Variants in LSAMP observed in about 807,000 individuals in gnomAD.
The protein encoded by LSAMP is limbic system-associated membrane protein.
Under a neutral mutation model 38.6 loss-of-function variants are expected in LSAMP, and 7 were observed. That is an observed-to-expected ratio of 0.18 (90% CI 0.10 to 0.34). The LOEUF is 0.34. LSAMP is among the 10% of genes least tolerant of loss of function. The pLI is 1.00. For missense variants in LSAMP, 313 were observed against 420.0 expected, an observed-to-expected ratio of 0.75 and a Z score of 2.23; for synonymous variants, 154 against 166.8, an observed-to-expected ratio of 0.92 and a Z score of 0.59.
intron 1 of LSAMP, among the ~76,000 whole-genome samples, chr3:116,203,059 T>G (rs1332064477): frequency 6.6e-6 from 1 of 152,242 alleles, no homozygotes; most frequent in African/African-American, 2.4e-5. Flanking sequence ...TTTTAGAGAA[T>G]CATATTTTCT....
chr3:116,058,345 G>A (rs1359832444), intron 2 of LSAMP, among the ~76,000 whole-genome samples: 1 of 151,890 alleles, frequency 6.6e-6, no homozygotes, highest in Non-Finnish European at 1.5e-5. Flanking sequence ...GGTGGAATAT[G>A]AGATGGAATG....
chr3:116,214,219 A>G (rs1482188924), intron 1 of LSAMP, among the ~76,000 whole-genome samples: 1 of 152,236 alleles, frequency 6.6e-6, no homozygotes, highest in Admixed American at 6.5e-5. Flanking sequence ...ATGGCAAATT[A>G]TGACTCAAAA....
At chr3:116,370,796 T>A (rs1004015381) in intron 1 of LSAMP, among the ~76,000 whole-genome samples, 4 of 152,106 alleles carry the variant, frequency 2.6e-5, no homozygotes, top group African/African-American at 9.7e-5. Context: ...AGAAGTTGGT[T>A]CTTCAATAAG....
At chr3:116,051,884 G>A (rs1164323705) in intron 2 of LSAMP, among the ~76,000 whole-genome samples, 1 of 152,110 alleles carries the variant, frequency 6.6e-6, no homozygotes, top group Non-Finnish European at 1.5e-5. Context: ...ATTGCTCTCT[G>A]GGGGAATACT....
At chr3:116,166,072 C>T (rs372338246) in intron 1 of LSAMP, among the ~76,000 whole-genome samples, 3 of 152,200 alleles carry the variant, frequency 2.0e-5, no homozygotes, top group African/African-American at 7.2e-5. Flanking sequence ...ATTTTATCCC[C>T]TATTCAGCCC....
intron 2 of LSAMP, among the ~76,000 whole-genome samples, chr3:116,040,973 G>T (rs1941158678): frequency 6.6e-6 from 1 of 152,086 alleles, no homozygotes; most frequent in Non-Finnish European, 1.5e-5. Flanking sequence ...ACCTAGGCTA[G>T]AGTGCTGTGG....
intron 1 of LSAMP, among the ~76,000 whole-genome samples, chr3:116,158,031 G>T (rs1709796197): frequency 6.6e-6 from 1 of 152,008 alleles, no homozygotes. Flanking sequence ...TTTATTCCTG[G>T]GAGGCAAAGT....
intron 1 of LSAMP, among the ~76,000 whole-genome samples, chr3:116,357,776 T>C (rs1331603257): frequency 6.6e-6 from 1 of 152,040 alleles, no homozygotes; most frequent in African/African-American, 2.4e-5. Context: ...AAATAATAAA[T>C]AAACCCTAAA....
At chr3:115,845,180 G>A (rs936092792) in intron 4 of LSAMP, among the ~76,000 whole-genome samples, 3 of 152,188 alleles carry the variant, frequency 2.0e-5, no homozygotes, top group African/African-American at 7.2e-5. Context: ...AAAGAAGTAA[G>A]ACGACCAGCA....
intron 1 of LSAMP, among the ~76,000 whole-genome samples, chr3:116,292,619 A>G (rs535468429): frequency 6.6e-6 from 1 of 152,268 alleles, no homozygotes; most frequent in Admixed American, 6.5e-5. Flanking sequence ...TTACAAATGT[A>G]CGATTTTGTT....
At chr3:116,291,485 T>C (rs1443987027) in intron 1 of LSAMP, among the ~76,000 whole-genome samples, 2 of 152,206 alleles carry the variant, frequency 1.3e-5, no homozygotes, top group Admixed American at 6.5e-5. Context: ...GCCTAGATGA[T>C]ACTTGGAATG....
intron 1 of LSAMP, among the ~76,000 whole-genome samples, chr3:116,408,634 A>T (rs920491599): frequency 6.6e-6 from 1 of 152,094 alleles, no homozygotes; most frequent in Admixed American, 6.6e-5. Flanking sequence ...TGCATGATAG[A>T]TACTATTTTC....
chr3:116,261,606 A>G (rs1331865765), intron 1 of LSAMP, among the ~76,000 whole-genome samples: 3 of 152,064 alleles, frequency 2.0e-5, no homozygotes, highest in African/African-American at 7.2e-5. Context: ...CAATTTTCTG[A>G]TTAAAAAACA....
intron 1 of LSAMP, among the ~76,000 whole-genome samples, chr3:116,422,879 T>A (rs1034900422): frequency 2.0e-5 from 3 of 152,196 alleles, no homozygotes; most frequent in Non-Finnish European, 4.4e-5. Flanking sequence ...CTTTTCATAG[T>A]TTTGTTATTA....
intron 2 of LSAMP, among the ~76,000 whole-genome samples, chr3:116,026,254 A>T (rs1940789748): frequency 6.6e-6 from 1 of 151,914 alleles, no homozygotes; most frequent in Non-Finnish European, 1.5e-5. Context: ...GTCCCTCCTT[A>T]TTGTCTTTGT....
chr3:116,330,039 C>A (rs78752238), intron 1 of LSAMP, among the ~76,000 whole-genome samples: 2,311 of 152,234 alleles, frequency 0.015, 56 homozygotes, highest in African/African-American at 0.051. Context: ...GGGTAATTAA[C>A]TCACATAATC....
chr3:116,108,583 C>T (rs1708523020), intron 1 of LSAMP, among the ~76,000 whole-genome samples: 2 of 152,200 alleles, frequency 1.3e-5, no homozygotes, highest in South Asian at 4.1e-4. Context: ...CATCAGTCTT[C>T]AGCCGCTAAG....
chr3:115,999,446 C>A (rs1939924283), intron 3 of LSAMP, among the ~76,000 whole-genome samples: 2 of 152,188 alleles, frequency 1.3e-5, no homozygotes, highest in Non-Finnish European at 2.9e-5. Flanking sequence ...GCAGCTCCTG[C>A]AGAGCTAATA....
At chr3:116,427,941 C>G (rs934123820) in intron 1 of LSAMP, among the ~76,000 whole-genome samples, 5 of 152,196 alleles carry the variant, frequency 3.3e-5, no homozygotes, top group African/African-American at 1.2e-4. Flanking sequence ...TCAATGGGCT[C>G]TACCTGAATA....
Sources: allele counts gnomAD v4.1 joint callset (sites outside exome capture counted in the v4.1 genomes callset), GRCh38; gene constraint gnomAD v4.1.1; transcripts MANE v1.5; gene names NCBI Gene and HGNC (gene_info 2026-07-23, HGNC 2026-07-21).